Variants in KDM4B observed in about 807,000 individuals in gnomAD.
KDM4B encodes the protein lysine demethylase 4B.
Under a neutral mutation model 125.2 loss-of-function variants are expected in KDM4B, and 32 were observed. The ratio of observed to expected loss-of-function variants is 0.26; its 90% CI spans 0.19 to 0.34. The LOEUF is 0.34. KDM4B is among the 10% of genes least tolerant of loss of function. The pLI is 1.00. For synonymous variants in KDM4B, 721 were observed against 677.9 expected (o/e 1.06, Z -0.99); for missense variants, 1,190 against 1,577.7 (o/e 0.75, Z 4.16).
chr19:5,021,069 C>G (rs2036102359), intron 2 of KDM4B, among the ~76,000 whole-genome samples: 1 of 151,558 alleles, frequency 6.6e-6, no homozygotes, highest in Non-Finnish European at 1.5e-5. Flanking sequence ...TTGCTTGAAC[C>G]TGGGGGCAGA....
At chr19:5,134,108 G>A (rs376659907) in intron 14 of KDM4B, 47 bp downstream of exon 14, 77 of 1,530,016 alleles carry the variant, frequency 5.0e-5, no homozygotes, top group African/African-American at 1.6e-4. Context: ...AGGCAGGGGC[G>A]GTGGGAGAGG....
At chr19:5,089,995 C>A (rs1240160090) in intron 9 of KDM4B, among the ~76,000 whole-genome samples, 1 of 152,080 alleles carries the variant, frequency 6.6e-6, no homozygotes, top group Non-Finnish European at 1.5e-5. Context: ...ATAGTGAGAC[C>A]CCATTCTCCA....
Position 5,151,542 on chromosome 19 carries a change from C to A in KDM4B, c.*31C>A. On this transcript the variant is annotated 3_prime_UTR_variant, in exon 23 of 23. Coordinates refer to ENST00000159111, the MANE Select transcript of KDM4B (RefSeq NM_015015.3). The stretch of plus-strand genomic sequence containing the variant: ...CTGGCCGCTCAGGCGACCCTCAGCC[C>A]GGCGGGGAGGCCATGGCATGCCCCG... 1 of 1,316,524 alleles carries A rather than the reference C, an allele frequency of 7.6e-7. No homozygotes were observed. Among genetic ancestry groups the A allele is most frequent in the Non-Finnish European group, 9.7e-7 (1 of 1,028,346 alleles). The allele number at this position is 1,316,524 out of a possible 1,614,324, so 81.6% of individuals were successfully genotyped here.
chr19:5,120,083 G>A (rs1439513141), intron 11 of KDM4B, among the ~76,000 whole-genome samples: 2 of 152,210 alleles, frequency 1.3e-5, no homozygotes, highest in Non-Finnish European at 2.9e-5. Context: ...GAGGCCAGGC[G>A]CAGTGGCTCC....
chr19:5,002,000 C>CTTT (rs59462526), intron 1 of KDM4B, among the ~76,000 whole-genome samples: 1 of 146,484 alleles, frequency 6.8e-6, no homozygotes. Context: ...TTTTTTTTTT[C>CTTT]TTTTTTTTTC....
intron 9 of KDM4B, among the ~76,000 whole-genome samples, chr19:5,096,752 C>T (rs1599177412): frequency 6.8e-6 from 1 of 147,774 alleles, no homozygotes; most frequent in South Asian, 2.2e-4. Flanking sequence ...GTGCCCCCGG[C>T]GGTGTCGGTG....
Position 5,082,564 on chromosome 19 carries a change from T to G in KDM4B, c.918+60T>G. The G allele has an allele frequency of 6.6e-7, 1 of 1,516,784 alleles. No individual in the cohort carries two copies. The highest frequency in any genetic ancestry group is 8.8e-7 in the Non-Finnish European group (1 of 1,136,002). The allele number at this position is 1,516,784 out of a possible 1,614,324, so 94.0% of individuals were successfully genotyped here. A position where few individuals can be genotyped will look rare whatever the true frequency, so the allele number is the denominator to read the frequency against. The stretch of plus-strand genomic sequence containing the variant: ...GGGCGGGAGGAGGCTCTTTTTTGCC[T>G]CTGCAGCCACACGCCCATAGCTGGT... On this transcript the variant is annotated intron_variant, in intron 9 of 22. Coordinates refer to ENST00000159111, the MANE Select transcript of KDM4B (RefSeq NM_015015.3). The surrounding 1 kb of genome is among the most constrained non-coding windows in gnomAD (Gnocchi z 5.4).
intron 9 of KDM4B, among the ~76,000 whole-genome samples, chr19:5,098,693 G>A (rs551687545): frequency 2.0e-5 from 3 of 152,214 alleles, no homozygotes; most frequent in African/African-American, 7.2e-5. Flanking sequence ...GAGGGCATGA[G>A]GGTGATGCCC....
At chr19:5,135,665 CCT>C in intron 15 of KDM4B, 104 bp downstream of exon 15, 1 of 989,612 alleles carries the variant, frequency 1.0e-6, no homozygotes, top group Non-Finnish European at 1.5e-6. Flanking sequence ...CACACCGGCC[CCT>C]CTCCCCAGGC....
chr19:5,104,375 A>G (rs533454891), intron 9 of KDM4B, among the ~76,000 whole-genome samples: 1 of 152,242 alleles, frequency 6.6e-6, no homozygotes, highest in Non-Finnish European at 1.5e-5. Flanking sequence ...CAGAGCCTAT[A>G]ATAGTTCAGA....
chr19:5,149,216 C>T lies in KDM4B; in HGVS notation c.3022-1142C>T, dbSNP rs568370411. On this transcript the variant is annotated intron_variant, in intron 21 of 22. Coordinates refer to ENST00000159111, the MANE Select transcript of KDM4B (RefSeq NM_015015.3). ...TCCCGGGCCCCCCCGCTGCACACTA[C>T]GTGGGGCGTCTAGCCCCAGACACAC... 6.6e-5 allele frequency among the ~76,000 whole-genome samples: 10 copies of T among 152,366 alleles called. No homozygotes were observed. In the South Asian group the frequency reaches 2.1e-3, roughly 32 times the overall value.
intron 22 of KDM4B, 128 bp downstream of exon 22, chr19:5,150,578 G>A: frequency 1.5e-6 from 1 of 660,672 alleles, no homozygotes; most frequent in South Asian, 1.9e-5. Flanking sequence ...GCTGGAAGGG[G>A]GTCCCGGCCG....
At chr19:5,148,575 C>T (rs1267115857) in intron 21 of KDM4B, among the ~76,000 whole-genome samples, 5 of 152,182 alleles carry the variant, frequency 3.3e-5, no homozygotes, top group African/African-American at 7.2e-5. Flanking sequence ...GAGTCGGGGC[C>T]GGGGAGCTGG....
chr19:5,119,490 AC>A (rs2039320168), intron 10 of KDM4B, among the ~76,000 whole-genome samples, 162 bp from the exon 11 acceptor site: 1 of 151,782 alleles, frequency 6.6e-6, no homozygotes, highest in Non-Finnish European at 1.5e-5. Context: ...GCAGAACCCC[AC>A]CCAGGGTTCC....
chr19:5,123,450 G>GGCCACGCTGGGCCTGGCCC lies in KDM4B; in HGVS notation c.1315+3602_1315+3620dup, dbSNP rs551515015. Among the ~76,000 whole-genome samples the GGCCACGCTGGGCCTGGCCC allele has an allele frequency of 1.4e-4, 22 of 152,298 alleles. No individual in the cohort carries two copies. In the South Asian group the frequency reaches 3.3e-3, roughly 23 times the overall value. On this transcript the variant is annotated intron_variant, in intron 11 of 22. Transcript: ENST00000159111. ...AGATTCCCCCCTTCCTAAGGACACT[G>GGCCACGCTGGGCCTGGCCC]GCCACGCTGGGCCTGGCCCGCCCCA...
rs62115607 is a variant in KDM4B at position 5,093,336 on chromosome 19, G to C, written c.918+10832G>C. ...GGTGGATGTGTGGGCAGCATGGAAGGCTGCGGAAGGCCATGGAAGGCCCGT... is the reference window on the plus strand; with the variant it reads ...GGTGGATGTGTGGGCAGCATGGAAGCCTGCGGAAGGCCATGGAAGGCCCGT... On this transcript the variant is annotated intron_variant, in intron 9 of 22. Transcript: ENST00000159111. Among the ~76,000 whole-genome samples, 1,136 of 152,328 alleles carry C rather than the reference G, an allele frequency of 7.5e-3. 12 individuals carry two copies. The highest frequency in any genetic ancestry group is 0.018 in the South Asian group (86 of 4,828).
intron 1 of KDM4B, among the ~76,000 whole-genome samples, chr19:5,014,900 CAGG>C (rs2035843756): frequency 6.6e-6 from 1 of 151,312 alleles, no homozygotes; most frequent in Non-Finnish European, 1.5e-5. Flanking sequence ...GAGGCTGAGG[CAGG>C]AGAATTGCTT....
intron 3 of KDM4B, among the ~76,000 whole-genome samples, chr19:5,036,660 C>G (rs564189011): frequency 1.3e-5 from 2 of 152,234 alleles, no homozygotes; most frequent in African/African-American, 4.8e-5. Flanking sequence ...CTGAATCTGG[C>G]CCCCCAGGAG....
At position 5,135,533 on chromosome 19, in the gene KDM4B, C is replaced by T. The variant is rs374647428; in HGVS notation, c.2280C>T (p.Cys760=). Reference sequence around the variant, plus strand: ...ACGGGACCAGCCCCCTGATCGCCTGCGGCAAGTGCTGCCTGCAGGTCCATG... The same window carrying T: ...ACGGGACCAGCCCCCTGATCGCCTGTGGCAAGTGCTGCCTGCAGGTCCATG... The part of the protein sequence containing the change: ...GDDGTSPLIA[C]GKCCLQVHAS... Residue 760 remains cysteine, a synonymous_variant, in exon 15 of 23, where the codon TGC becomes TGT. Transcript: ENST00000159111. 84 of 1,605,560 alleles carry T rather than the reference C, an allele frequency of 5.2e-5. 2 individuals carry two copies. The highest frequency in any genetic ancestry group is 1.9e-4 in the African/African-American group (14 of 74,766).
Sources: gnomAD v4.1 joint callset for allele counts (sites outside exome capture counted in the v4.1 genomes callset) on GRCh38, gnomAD v4.1.1 for gene constraint, Gnocchi (gnomAD v3.1) non-coding constraint, MANE v1.5 for transcripts, NCBI Gene and HGNC (gene_info 2026-07-23, HGNC 2026-07-21) for gene names.